ZBED6: variants seen among roughly 807,000 people sequenced by gnomAD.
The protein encoded by ZBED6 is zinc finger BED domain-containing protein 6.
Under a neutral mutation model 58.4 loss-of-function variants are expected in ZBED6, and 40 were observed. The ratio of observed to expected loss-of-function variants is 0.68; its 90% CI spans 0.53 to 0.89. ZBED6 has a LOEUF of 0.89. Ranked by LOEUF, ZBED6 falls within the 40% of genes least tolerant of loss-of-function variation. ZBED6 has a pLI of 0.00. For missense variants in ZBED6, 1,057 were observed against 1,003.9 expected (o/e 1.05, Z -0.71); for synonymous variants, 439 against 350.6 (o/e 1.25, Z -2.82).
At chr1:203,833,473 A>G (rs766060755) in intron 8 of ZBED6, among the ~76,000 whole-genome samples, 5 of 151,724 alleles carry the variant, frequency 3.3e-5, no homozygotes, top group African/African-American at 9.7e-5. Flanking sequence ...GGAAGTTGCA[A>G]TGAGCCAAGA....
chr1:203,853,235 G>A (rs1689627745), exon 17 of ZBED6: 1 of 152,468 alleles, frequency 6.6e-6, no homozygotes, highest in South Asian at 2.1e-4. Context: ...GACAAAATTT[G>A]GTTAATTTTT....
chr1:203,812,578 A>ATTTTTTTT (rs386369376), intron 1 of ZBED6, among the ~76,000 whole-genome samples: 3 of 109,312 alleles, frequency 2.7e-5, no homozygotes, highest in Non-Finnish European at 5.3e-5. Flanking sequence ...GCCATTCTAA[A>ATTTTTTTT]TTTTTTTTTT....
Position 203,834,835 on chromosome 1 carries a change from G to A in ZBED6, c.*3573+982G>A, listed in dbSNP as rs1245179536. Among the ~76,000 whole-genome samples, 4 of 152,176 alleles carry A rather than the reference G, an allele frequency of 2.6e-5. No individual in the cohort carries two copies. The East Asian group carries it at 5.8e-4, about 22-fold the overall frequency. On this transcript the variant is annotated intron_variant, in intron 9 of 16. Transcript: ENST00000550078. ...TTTTTGTATTTTTAGTAGAGATGGG[G>A]TTTCCACCATGTTGGCCAGGCTGGT...
At chr1:203,847,712 T>TG (rs1190887157) in intron 12 of ZBED6, 25 bp downstream of exon 12, 1 of 1,601,094 alleles carries the variant, frequency 6.2e-7, no homozygotes, top group Non-Finnish European at 8.5e-7. Context: ...TGGTCTCTAG[T>TG]ACCACGTCCC....
chr1:203,806,014 G>C (rs777613535), intron 1 of ZBED6: 2 of 553,992 alleles, frequency 3.6e-6, no homozygotes, highest in Non-Finnish European at 7.0e-6. Context: ...CATGTTGAAT[G>C]ACTCTTGGGT....
At chr1:203,816,041 C>T (rs4951259) in intron 1 of ZBED6, among the ~76,000 whole-genome samples, 19,210 of 152,156 alleles carry the variant, frequency 0.13, 1,598 homozygotes, top group East Asian at 0.29. Flanking sequence ...TCTTCATTAA[C>T]GTAAGCTAGA....
At chr1:203,832,923 G>A (rs16830289) in intron 8 of ZBED6, among the ~76,000 whole-genome samples, 73,424 of 151,948 alleles carry the variant, frequency 0.48, 18,294 homozygotes, top group Non-Finnish European at 0.53. Context: ...TCTTATACTC[G>A]ACTGCTATTA....
At chr1:203,848,842 A>G (rs940413486) in intron 13 of ZBED6, among the ~76,000 whole-genome samples, 6 of 152,152 alleles carry the variant, frequency 3.9e-5, no homozygotes, top group African/African-American at 1.4e-4. Flanking sequence ...AAACTGAACA[A>G]ACCCTAAAAA....
At chr1:203,825,484 G>A (rs1313242026) in intron 3 of ZBED6, among the ~76,000 whole-genome samples, 3 of 145,642 alleles carry the variant, frequency 2.1e-5, no homozygotes, top group African/African-American at 7.6e-5. Flanking sequence ...ACCCAGGCTG[G>A]AGTGCAGTGG....
intron 8 of ZBED6, among the ~76,000 whole-genome samples, chr1:203,832,470 C>T (rs1050574867): frequency 6.6e-6 from 1 of 152,122 alleles, no homozygotes; most frequent in Non-Finnish European, 1.5e-5. Context: ...AAGTGATTCT[C>T]CTGCTTCAGC....
intron 3 of ZBED6, among the ~76,000 whole-genome samples, chr1:203,824,639 CTGTAAACA>C (rs71145034): frequency 0.13 from 19,840 of 152,108 alleles, 1,440 homozygotes; most frequent in Non-Finnish European, 0.15. Context: ...CCTTCTGATA[CTGTAAACA>C]AGTGTCCTTT....
At chr1:203,797,047 T>C (rs1177830168) in exon 1 of ZBED6, 1 of 153,240 alleles carries the variant, frequency 6.5e-6, no homozygotes, top group East Asian at 1.9e-4. Context: ...TTCCTGAAAA[T>C]AGTTAATTTC....
chr1:203,839,447 AAGAAT>A (rs1200029655), intron 10 of ZBED6, among the ~76,000 whole-genome samples: 1 of 149,910 alleles, frequency 6.7e-6, no homozygotes, highest in Non-Finnish European at 1.5e-5. Flanking sequence ...TAAATTATTA[AAGAAT>A]AGGTGTTTTT....
chr1:203,811,143 C>CAA (rs535589700), intron 1 of ZBED6, among the ~76,000 whole-genome samples: 5 of 73,580 alleles, frequency 6.8e-5, no homozygotes, highest in Non-Finnish European at 1.2e-4. Flanking sequence ...AACTCTGTCA[C>CAA]AAAAAAAAAA....
chr1:203,805,946 T>A (rs1479697327), intron 1 of ZBED6: 2 of 635,214 alleles, frequency 3.1e-6, no homozygotes, highest in Non-Finnish European at 6.0e-6. Flanking sequence ...CCCAGTTTCA[T>A]AGCATCAACC....
At chr1:203,848,452 G>C in intron 13 of ZBED6, 45 bp downstream of exon 13, 1 of 1,459,290 alleles carries the variant, frequency 6.9e-7, no homozygotes, top group Non-Finnish European at 9.4e-7. Flanking sequence ...GCAAACAAAG[G>C]CTAGATAATT....
chr1:203,819,988 G>A (rs1677960454), intron 3 of ZBED6, among the ~76,000 whole-genome samples: 1 of 151,482 alleles, frequency 6.6e-6, no homozygotes, highest in African/African-American at 2.4e-5. Flanking sequence ...TGTAATCCCA[G>A]CACTTTACTA....
intron 1 of ZBED6, among the ~76,000 whole-genome samples, chr1:203,805,281 G>A (rs1330130124): frequency 1.3e-5 from 2 of 150,708 alleles, no homozygotes; most frequent in East Asian, 2.0e-4. Flanking sequence ...ACAGGCGCCC[G>A]CCACCACACC....
intron 1 of ZBED6, chr1:203,806,033 C>T (rs1672214319): frequency 1.9e-6 from 1 of 539,970 alleles, no homozygotes; most frequent in Non-Finnish European, 3.6e-6. Flanking sequence ...GTGCGATTGT[C>T]CTGCTGCTGC....
Sources: allele counts gnomAD v4.1 joint callset (sites outside exome capture counted in the v4.1 genomes callset), GRCh38; gene constraint gnomAD v4.1.1; transcripts MANE v1.5; gene names NCBI Gene and HGNC (gene_info 2026-07-23, HGNC 2026-07-21).